The following TAFA5 variants were observed in gnomAD, a reference collection of about 807,000 sequenced individuals.
The protein encoded by TAFA5 is chemokine-like protein TAFA-5.
Under a neutral mutation model 15.3 loss-of-function variants are expected in TAFA5, and 6 were observed. The observed-to-expected ratio is 0.39, with a 90% CI of 0.21 to 0.77. TAFA5 has a LOEUF of 0.77. Among genes scored for constraint, TAFA5 ranks in the 30% least tolerant of loss-of-function variants. The probability of loss-of-function intolerance (pLI) is 0.41; values close to 1 mark genes in which losing one functional copy is unlikely to be tolerated. For missense variants in TAFA5, 161 were observed against 193.1 expected (o/e 0.83, Z 0.98); for synonymous variants, 103 against 80.7 (o/e 1.28, Z -1.48).
chr22:48,622,550 G>A (rs1925877621), intron 1 of TAFA5, among the ~76,000 whole-genome samples: 1 of 152,200 alleles, frequency 6.6e-6, no homozygotes, highest in Non-Finnish European at 1.5e-5. Context: ...AGAGGGGCTG[G>A]AGCAGACATG....
intron 2 of TAFA5, among the ~76,000 whole-genome samples, chr22:48,688,016 T>C (rs952541866): frequency 2.7e-5 from 4 of 149,688 alleles, no homozygotes; most frequent in South Asian, 2.1e-4. Context: ...TTTTTTTTTT[T>C]CTTCCACTTA....
chr22:48,563,592 C>A (rs1048730695), intron 1 of TAFA5, among the ~76,000 whole-genome samples: 1 of 152,238 alleles, frequency 6.6e-6, no homozygotes, highest in African/African-American at 2.4e-5. Context: ...GCCGGGCAGG[C>A]ATGGGTCCTG....
In TAFA5 at chr22:48,566,991, C is replaced by T. The variant is rs1055216022; in HGVS notation, c.112+77287C>T. 6.6e-6 allele frequency among the ~76,000 whole-genome samples: 1 copy of T among 152,210 alleles called. No homozygotes were observed. Among genetic ancestry groups the T allele is most frequent in the Non-Finnish European group, 1.5e-5 (1 of 68,048 alleles). ...GCCGCACTGGATTCCCCTTTCCCTGCGGAAGGGCACTTGCGTTGTCTCCAG... is the reference window on the plus strand; with the variant it reads ...GCCGCACTGGATTCCCCTTTCCCTGTGGAAGGGCACTTGCGTTGTCTCCAG... On this transcript the variant is annotated intron_variant, in intron 1 of 3. Transcript: ENST00000402357. This position sits in a 1 kb window ranked among gnomAD's most constrained non-coding sequence, Gnocchi z 4.5.
intron 1 of TAFA5, among the ~76,000 whole-genome samples, chr22:48,558,441 A>G (rs937363171): frequency 6.6e-6 from 1 of 152,002 alleles, no homozygotes; most frequent in African/African-American, 2.4e-5. Flanking sequence ...GCTCATAATC[A>G]TTTGCATTTT....
At chr22:48,641,160 G>A (rs901784212) in intron 1 of TAFA5, among the ~76,000 whole-genome samples, 26 of 150,420 alleles carry the variant, frequency 1.7e-4, no homozygotes, top group East Asian at 3.9e-4. Flanking sequence ...TGGGGGCACC[G>A]TGGCCCCCCT....
chr22:48,716,167 A>G lies in TAFA5; in HGVS notation c.390+8323A>G, dbSNP rs1468038309. Among the ~76,000 whole-genome samples the G allele has an allele frequency of 2.0e-5, 3 of 152,208 alleles. No homozygotes were observed. In the East Asian group the frequency reaches 5.8e-4, roughly 29 times the overall value. On this transcript the variant is annotated intron_variant, in intron 3 of 3. Coordinates refer to ENST00000402357, the MANE Select transcript of TAFA5 (RefSeq NM_001082967.3). ...ACTGTAGCCTTGTAGTATAGTTTGA[A>G]GTCAGGTAACATGATGCCTCCAGCT...
chr22:48,645,937 T>G (rs773178796), intron 1 of TAFA5, among the ~76,000 whole-genome samples: 1 of 151,884 alleles, frequency 6.6e-6, no homozygotes, highest in Non-Finnish European at 1.5e-5. Context: ...TGTGCCTGTT[T>G]GCACACACGT....
In TAFA5 at chr22:48,598,880, C is replaced by T. The variant is rs1427285597; in HGVS notation, c.113-47717C>T. 6.6e-6 allele frequency among the ~76,000 whole-genome samples: 1 copy of T among 152,122 alleles called. No individual in the cohort carries two copies. Among genetic ancestry groups the T allele is most frequent in the Non-Finnish European group, 1.5e-5 (1 of 68,026 alleles). On this transcript the variant is annotated intron_variant, in intron 1 of 3. Coordinates refer to ENST00000402357, the MANE Select transcript of TAFA5 (RefSeq NM_001082967.3). This position sits in a 1 kb window ranked among gnomAD's most constrained non-coding sequence, Gnocchi z 4.0. ...GACTGAATATAAGTCAGGGGGTTTC[C>T]ACCACCCTCTCCTGGCATTCCGTCA...
At chr22:48,521,473 T>C (rs148022223) in intron 1 of TAFA5, among the ~76,000 whole-genome samples, 8 of 152,048 alleles carry the variant, frequency 5.3e-5, no homozygotes, top group Non-Finnish European at 7.3e-5. Flanking sequence ...GCTAATGATA[T>C]TGTTTGTTCT....
chr22:48,620,532 G>A (rs571933642), intron 1 of TAFA5, among the ~76,000 whole-genome samples: 5 of 118,080 alleles, frequency 4.2e-5, no homozygotes, highest in African/African-American at 1.3e-4. Context: ...GTTTTTTGAT[G>A]TTGTTGCTGA....
intron 1 of TAFA5, among the ~76,000 whole-genome samples, chr22:48,587,514 G>A (rs1924405626): frequency 6.6e-6 from 1 of 152,184 alleles, no homozygotes. Context: ...GCACCAAGGA[G>A]GCAGTGGCTG....
At chr22:48,544,436 C>T in intron 1 of TAFA5, 2 of 348,644 alleles carry the variant, frequency 5.7e-6, no homozygotes, top group Non-Finnish European at 1.1e-5. Context: ...ACTCCGTCAG[C>T]CCGTCCCTCG....
At chr22:48,564,020 T>C (rs529360521) in intron 1 of TAFA5, among the ~76,000 whole-genome samples, 2 of 152,006 alleles carry the variant, frequency 1.3e-5, no homozygotes, top group East Asian at 1.9e-4. Flanking sequence ...CAGCGTGGGG[T>C]CCCCCAAAAG....
At chr22:48,692,678 G>A (rs530049369) in intron 2 of TAFA5, among the ~76,000 whole-genome samples, 55 of 152,372 alleles carry the variant, frequency 3.6e-4, no homozygotes, top group Non-Finnish European at 5.9e-4. Context: ...CAGCAGTGCT[G>A]TAGGATGGGG....
At chr22:48,715,350 C>G (rs1003778816) in intron 3 of TAFA5, among the ~76,000 whole-genome samples, 8 of 152,204 alleles carry the variant, frequency 5.3e-5, no homozygotes, top group African/African-American at 1.9e-4. Context: ...GTAGAGGCCG[C>G]AAGGAGTCAT....
At chr22:48,693,245 G>C (rs903418237) in intron 2 of TAFA5, 14 of 1,532,870 alleles carry the variant, frequency 9.1e-6, no homozygotes, top group Middle Eastern at 1.7e-4. Flanking sequence ...GATGAGTCCA[G>C]AGCCATGAAA....
At chr22:48,644,036 C>A (rs575338157) in intron 1 of TAFA5, among the ~76,000 whole-genome samples, 1 of 152,238 alleles carries the variant, frequency 6.6e-6, no homozygotes, top group Non-Finnish European at 1.5e-5. Flanking sequence ...ATGGCTTTGA[C>A]GCAGTAACCG....
intron 3 of TAFA5, among the ~76,000 whole-genome samples, chr22:48,712,290 C>A (rs1421128466): frequency 1.3e-5 from 2 of 152,234 alleles, no homozygotes; most frequent in African/African-American, 4.8e-5. Context: ...CTCCTGACCT[C>A]AGGTGATCCA....
At chr22:48,670,535 G>T (rs553425476) in intron 2 of TAFA5, among the ~76,000 whole-genome samples, 121 of 152,314 alleles carry the variant, frequency 7.9e-4, no homozygotes, top group African/African-American at 2.7e-3. Context: ...TCCCGGCCCC[G>T]CACTGAGGCT....
Sources: allele counts gnomAD v4.1 joint callset (sites outside exome capture counted in the v4.1 genomes callset), GRCh38; gene constraint gnomAD v4.1.1; non-coding constraint Gnocchi (gnomAD v3.1); transcripts MANE v1.5; gene names NCBI Gene and HGNC (gene_info 2026-07-23, HGNC 2026-07-21).